Variants in USP22 observed in about 807,000 individuals in gnomAD.
USP22 encodes ubiquitin specific peptidase 22, also known as ubiquitin carboxyl-terminal hydrolase 22.
In USP22, 22 loss-of-function variants were observed where a neutral mutation model predicts 68.1. That is an observed-to-expected ratio of 0.32 (90% CI 0.23 to 0.46). The LOEUF (loss-of-function observed/expected upper bound fraction) is 0.46. Among genes scored for constraint, USP22 ranks in the 20% least tolerant of loss-of-function variants. USP22 has a pLI of 1.00. For missense variants in USP22, 433 were observed against 695.8 expected (o/e 0.62, Z 4.25); for synonymous variants, 279 against 274.2 (o/e 1.02, Z -0.17).
In USP22 at chr17:21,004,314, A is replaced by G; in HGVS notation, c.1423T>C (p.Leu475=). Reference sequence around the variant, plus strand: ...AAGCTGGTGTAGTGGCCACTCTCCAAGGTCCCTTGATGGTTAACAACAGCA... The same window carrying G: ...AAGCTGGTGTAGTGGCCACTCTCCAGGGTCCCTTGATGGTTAACAACAGCA... ...LFAVVNHQGT[L]ESGHYTSFIR... The change falls in exon 12 of 13, where the codon TTG becomes CTG. Residue 475 remains leucine (L), a synonymous_variant. Coordinates refer to ENST00000261497, the MANE Select transcript of USP22 (RefSeq NM_015276.2). The G allele has an allele frequency of 6.2e-7, 1 of 1,614,178 alleles. No homozygotes were observed. The highest frequency in any genetic ancestry group is 8.5e-7 in the Non-Finnish European group (1 of 1,180,018).
rs1055885825 is a variant in USP22, at chr17:21,002,459, C to T, written c.*572G>A. 2.0e-5 allele frequency: 3 copies of T among 153,014 alleles called. No individual in the cohort carries two copies. Among genetic ancestry groups the T allele is most frequent in the Non-Finnish European group, 2.9e-5 (2 of 68,658 alleles). The allele number at this position is 153,014 out of a possible 1,614,324, so 9.5% of individuals were successfully genotyped here. ...GATGCTGTTACCTGCAGAACAGACA[C>T]GCTTGAAAACGCGACGTAGTGTCCG... On this transcript the variant is annotated 3_prime_UTR_variant, in exon 13 of 13. Coordinates refer to ENST00000261497, the MANE Select transcript of USP22 (RefSeq NM_015276.2).
chr17:21,009,261 T>C (rs996192454), intron 8 of USP22, among the ~76,000 whole-genome samples: 1 of 152,082 alleles, frequency 6.6e-6, no homozygotes, highest in African/African-American at 2.4e-5. Context: ...ACGCCAAATT[T>C]TGAAGCTGAA....
At chr17:21,025,556 G>A (rs1388705117) in intron 2 of USP22, among the ~76,000 whole-genome samples, 1 of 152,194 alleles carries the variant, frequency 6.6e-6, no homozygotes, top group African/African-American at 2.4e-5. Context: ...AATGTCCACA[G>A]TGGCACTATT....
intron 4 of USP22, 175 bp from the exon 5 acceptor site, chr17:21,018,286 G>A (rs1021740464): frequency 8.5e-6 from 5 of 585,276 alleles, no homozygotes; most frequent in Non-Finnish European, 1.4e-5. Flanking sequence ...TACATGAACG[G>A]TATTGAAGAA....
chr17:21,009,972 T>TTAAA (rs3047631), intron 8 of USP22, among the ~76,000 whole-genome samples: 57 of 142,532 alleles, frequency 4.0e-4, no homozygotes, highest in Non-Finnish European at 6.9e-4. Context: ...AAAAAAAAAT[T>TTAAA]AAAAAAAAAA....
Position 21,004,355 on chromosome 17 carries a change from G to A in USP22, c.1386-4C>T. On this transcript the variant is annotated splice_polypyrimidine_tract_variant and splice_region_variant and intron_variant, in intron 11 of 12. Coordinates refer to ENST00000261497, the MANE Select transcript of USP22 (RefSeq NM_015276.2). ...AACAACAGCAAACAGGGAATACCTA[G>A]TGCAGGAGCAAAGGAGAGGGAGGGC... 1 of 1,613,932 alleles carries A rather than the reference G, an allele frequency of 6.2e-7. No homozygotes were observed. Among genetic ancestry groups the A allele is most frequent in the Middle Eastern group, 1.7e-4 (1 of 6,056 alleles).
At chr17:21,027,007 G>A (rs1377461418) in intron 2 of USP22, among the ~76,000 whole-genome samples, 1 of 151,842 alleles carries the variant, frequency 6.6e-6, no homozygotes, top group Non-Finnish European at 1.5e-5. Flanking sequence ...GTTTCACCAT[G>A]TTGGCCGGGA....
chr17:21,042,007 G>A (rs1272418292), intron 1 of USP22, among the ~76,000 whole-genome samples: 1 of 151,864 alleles, frequency 6.6e-6, no homozygotes, highest in Non-Finnish European at 1.5e-5. Context: ...CGCGGGCCCC[G>A]AGGCAGCCGC....
intron 2 of USP22, among the ~76,000 whole-genome samples, chr17:21,022,824 C>G (rs982214672): frequency 8.0e-5 from 12 of 150,082 alleles, no homozygotes; most frequent in Non-Finnish European, 1.5e-4. Flanking sequence ...CCAAATGAAC[C>G]AGGATTACCT....
At position 21,000,334 on chromosome 17, in the gene USP22, T is replaced by G. The variant is rs147786130; in HGVS notation, c.*2697A>C. The G allele has an allele frequency of 9.2e-3, 1,399 of 152,322 alleles. 9 individuals are homozygous for G. The highest frequency in any genetic ancestry group is 0.025 in the Admixed American group (376 of 15,298). The allele number at this position is 152,322 out of a possible 1,614,324, so 9.4% of individuals were successfully genotyped here. Reference sequence around the variant, plus strand: ...ACAAGAACACATCAAACACAAGACCTAATGCAAGGGGCAGTGCCAGGGCCG... The same window carrying G: ...ACAAGAACACATCAAACACAAGACCGAATGCAAGGGGCAGTGCCAGGGCCG... On this transcript the variant is annotated 3_prime_UTR_variant, in exon 13 of 13. Transcript: ENST00000261497.
intron 4 of USP22, 119 bp from the exon 5 acceptor site, chr17:21,018,230 C>A: frequency 1.1e-6 from 1 of 949,640 alleles, no homozygotes; most frequent in East Asian, 2.8e-5. Flanking sequence ...TCATTCAAGC[C>A]AGAACACGAT....
At chr17:21,005,816 T>C (rs1913759282) in intron 10 of USP22, among the ~76,000 whole-genome samples, 1 of 152,248 alleles carries the variant, frequency 6.6e-6, no homozygotes, top group African/African-American at 2.4e-5. Context: ...AACCTGAGAC[T>C]GGGACCTCAT....
intron 2 of USP22, among the ~76,000 whole-genome samples, chr17:21,023,119 C>A (rs1464102298): frequency 6.6e-6 from 1 of 152,094 alleles, no homozygotes; most frequent in African/African-American, 2.4e-5. Context: ...TAAGTGGGAG[C>A]TAAACCATTA....
intron 3 of USP22, 40 bp from the exon 4 acceptor site, chr17:21,019,225 A>C: frequency 5.7e-6 from 9 of 1,587,448 alleles, no homozygotes; most frequent in South Asian, 1.1e-5. Context: ...TATTAGCTAG[A>C]TTTTCACATC....
intron 5 of USP22, 95 bp downstream of exon 5, chr17:21,017,845 ATG>A (rs756046559): frequency 6.9e-7 from 1 of 1,444,698 alleles, no homozygotes; most frequent in Non-Finnish European, 9.4e-7. Context: ...AAGGTTCTAA[ATG>A]TATCTTCCTT....
At position 21,042,678 on chromosome 17, in the gene USP22, G is replaced by T; in HGVS notation, c.158C>A (p.Ala53Asp). Reference sequence around the variant, plus strand: ...TGCCGGGCGCACCTTGCGCTTGCGGGCCTCAGCCGTGCCGCTCCACACGAA... The same window carrying T: ...TGCCGGGCGCACCTTGCGCTTGCGGTCCTCAGCCGTGCCGCTCCACACGAA... Reference protein sequence around the residue: ...QCFVWSGTAEARKRKAKSCIC... With the variant: ...QCFVWSGTAEDRKRKAKSCIC... Residue 53 changes from alanine to aspartate, a missense_variant, in exon 1 of 13, where the codon GCC (alanine) becomes GAC (aspartate). Coordinates refer to ENST00000261497, the MANE Select transcript of USP22 (RefSeq NM_015276.2). The T allele has an allele frequency of 7.6e-7, 1 of 1,314,622 alleles. No individual in the cohort carries two copies. Among genetic ancestry groups the T allele is most frequent in the Non-Finnish European group, 9.8e-7 (1 of 1,023,254 alleles). 81.4% of individuals were successfully genotyped at this position (1,314,622 alleles called of 1,614,324 possible). A position where few individuals can be genotyped will look rare whatever the true frequency, so the allele number is the denominator to read the frequency against.
intron 1 of USP22, among the ~76,000 whole-genome samples, chr17:21,036,260 C>T (rs1972355433): frequency 6.6e-6 from 1 of 151,908 alleles, no homozygotes; most frequent in African/African-American, 2.4e-5. Flanking sequence ...CTGTTCTGTA[C>T]AGTACTGTAG....
intron 11 of USP22, 54 bp downstream of exon 11, chr17:21,004,873 AC>A: frequency 6.2e-7 from 1 of 1,600,652 alleles, no homozygotes; most frequent in Non-Finnish European, 8.5e-7. Flanking sequence ...ACAGGAGCCC[AC>A]CCCCAGCTCT....
intron 6 of USP22, among the ~76,000 whole-genome samples, chr17:21,014,392 T>C (rs960479661): frequency 2.6e-5 from 4 of 152,228 alleles, no homozygotes; most frequent in Non-Finnish European, 5.9e-5. Flanking sequence ...AACAGCATAG[T>C]CACTTCCACA....
Sources: allele counts gnomAD v4.1 joint callset (sites outside exome capture counted in the v4.1 genomes callset), GRCh38; gene constraint gnomAD v4.1.1; transcripts MANE v1.5; gene names NCBI Gene and HGNC (gene_info 2026-07-23, HGNC 2026-07-21).